RAB38: variants seen among roughly 807,000 people sequenced by gnomAD.
RAB38 encodes the protein ras-related protein Rab-38.
Under a neutral mutation model 18.4 loss-of-function variants are expected in RAB38, and 15 were observed. The ratio of observed to expected loss-of-function variants is 0.82; its 90% CI spans 0.55 to 1.26. The LOEUF (loss-of-function observed/expected upper bound fraction) is 1.26, where lower values mean the gene tolerates loss of function less well. Among genes scored for constraint, RAB38 ranks in the 50% most tolerant of loss-of-function variants. The pLI, the probability that RAB38 is intolerant of heterozygous loss-of-function variation, is 0.00. For missense variants in RAB38, 294 were observed against 267.4 expected (o/e 1.10, Z -0.69); for synonymous variants, 101 against 104.4 (o/e 0.97, Z 0.20).
the RAB38 span, among the ~76,000 whole-genome samples, chr11:87,847,555 C>T: frequency 2.0e-5 from 3 of 152,058 alleles, no homozygotes; most frequent in African/African-American, 7.2e-5. Flanking sequence ...TTGGGTTTCA[C>T]TGTGGGGTTG....
chr11:88,100,055 C>T, the RAB38 span: 1 of 151,742 alleles, frequency 6.6e-6, no homozygotes, highest in Non-Finnish European at 1.5e-5. Context: ...ACAGATCAAA[C>T]CCCTTGTTTT....
At chr11:87,872,611 C>T in the RAB38 span, among the ~76,000 whole-genome samples, 1 of 151,572 alleles carries the variant, frequency 6.6e-6, no homozygotes, top group East Asian at 2.0e-4. Context: ...TTCCTCCCTG[C>T]CCTCTAACCC....
At chr11:87,941,706 G>A in the RAB38 span, among the ~76,000 whole-genome samples, 2 of 152,106 alleles carry the variant, frequency 1.3e-5, no homozygotes, top group African/African-American at 2.4e-5. Context: ...GAGATTAACA[G>A]GGAAGATTTC....
At chr11:87,835,138 G>T in the RAB38 span, among the ~76,000 whole-genome samples, 12 of 152,226 alleles carry the variant, frequency 7.9e-5, no homozygotes, top group African/African-American at 2.9e-4. Context: ...TAGAATTGGA[G>T]AAACGAATGT....
chr11:87,882,294 G>T, the RAB38 span, among the ~76,000 whole-genome samples: 1 of 151,892 alleles, frequency 6.6e-6, no homozygotes, highest in East Asian at 2.0e-4. Context: ...CTAGCATATT[G>T]CCTGTAAATT....
At chr11:87,880,250 CTA>C in the RAB38 span, among the ~76,000 whole-genome samples, 1 of 151,872 alleles carries the variant, frequency 6.6e-6, no homozygotes, top group East Asian at 2.0e-4. Context: ...TACAAAATGA[CTA>C]TGTTTTGTAG....
the RAB38 span, among the ~76,000 whole-genome samples, chr11:87,819,444 T>C: frequency 1.2e-4 from 18 of 152,084 alleles, no homozygotes; most frequent in Non-Finnish European, 2.4e-4. Flanking sequence ...CAAAGTTACA[T>C]AACAGGATTT....
the RAB38 span, among the ~76,000 whole-genome samples, chr11:87,829,680 G>A: frequency 2.0e-5 from 3 of 152,016 alleles, no homozygotes; most frequent in Non-Finnish European, 2.9e-5. Flanking sequence ...TAACTGTATC[G>A]CCTCTGAATC....
At chr11:88,097,202 A>C in the RAB38 span, among the ~76,000 whole-genome samples, 1 of 151,874 alleles carries the variant, frequency 6.6e-6, no homozygotes, top group South Asian at 2.1e-4. Flanking sequence ...AAAATACCCC[A>C]TGAAGTGCCT....
At chr11:87,869,847 A>G in the RAB38 span, among the ~76,000 whole-genome samples, 1 of 151,678 alleles carries the variant, frequency 6.6e-6, no homozygotes, top group Admixed American at 6.6e-5. Context: ...TTATTACCAC[A>G]TTCACAAAAG....
At chr11:88,132,003 A>T (rs1028778894) in intron 2 of RAB38, among the ~76,000 whole-genome samples, 21 of 152,170 alleles carry the variant, frequency 1.4e-4, no homozygotes, top group Non-Finnish European at 2.9e-4. Context: ...CTACAACCAC[A>T]AGGAACTGAG....
the RAB38 span, among the ~76,000 whole-genome samples, chr11:88,012,310 A>T: frequency 1.3e-5 from 2 of 152,174 alleles, no homozygotes; most frequent in Non-Finnish European, 2.9e-5. Context: ...TGGAGGAAGT[A>T]ACTTTCAGCA....
chr11:88,074,457 T>A, the RAB38 span, among the ~76,000 whole-genome samples: 1 of 152,316 alleles, frequency 6.6e-6, no homozygotes, highest in South Asian at 2.1e-4. Context: ...TTCTTTCTGA[T>A]CTAAAATAAG....
the RAB38 span, among the ~76,000 whole-genome samples, chr11:87,895,937 G>A: frequency 4.6e-3 from 696 of 151,756 alleles, 8 homozygotes; most frequent in African/African-American, 0.016. Flanking sequence ...ATATACTTGT[G>A]CCTTTGTACA....
the RAB38 span, among the ~76,000 whole-genome samples, chr11:87,931,274 T>C: frequency 6.6e-6 from 1 of 152,090 alleles, no homozygotes; most frequent in African/African-American, 2.4e-5. Context: ...AGATAAGCTA[T>C]TATGGAAGGA....
the RAB38 span, among the ~76,000 whole-genome samples, chr11:88,053,286 AATATATATATACACACATATATATGGAAT>A: frequency 9.5e-5 from 5 of 52,480 alleles, no homozygotes; most frequent in East Asian, 1.2e-3. Flanking sequence ...ATATATATGG[AATATATATATACACACATATATATGGAAT>A]ATATATATAC....
At chr11:88,148,371 C>A (rs547896824) in intron 2 of RAB38, among the ~76,000 whole-genome samples, 1 of 152,302 alleles carries the variant, frequency 6.6e-6, no homozygotes, top group East Asian at 1.9e-4. Context: ...TTGTGCTGGT[C>A]TTTGTAATTT....
At chr11:88,137,557 G>GA (rs1450554451) in intron 2 of RAB38, among the ~76,000 whole-genome samples, 1 of 152,056 alleles carries the variant, frequency 6.6e-6, no homozygotes, top group Non-Finnish European at 1.5e-5. Context: ...GAAAATATGT[G>GA]AAAAAATCAT....
chr11:88,006,390 A>T, the RAB38 span, among the ~76,000 whole-genome samples: 2 of 151,396 alleles, frequency 1.3e-5, no homozygotes, highest in Non-Finnish European at 3.0e-5. Context: ...TTAAAAATGG[A>T]ACCACCATAT....
Sources: allele counts gnomAD v4.1 joint callset (sites outside exome capture counted in the v4.1 genomes callset), GRCh38; gene constraint gnomAD v4.1.1; transcripts MANE v1.5; gene names NCBI Gene and HGNC (gene_info 2026-07-23, HGNC 2026-07-21).